The following TTF2 variants were observed in gnomAD, a reference collection of about 807,000 sequenced individuals.
TTF2 encodes the protein transcription termination factor 2.
In TTF2, 108 loss-of-function variants were observed where a neutral mutation model predicts 142.4. The observed-to-expected ratio is 0.76, with a 90% CI of 0.65 to 0.89. The LOEUF is 0.89. Among genes scored for constraint, TTF2 ranks in the 40% least tolerant of loss-of-function variants. The probability of loss-of-function intolerance (pLI) is 0.00; values close to 1 mark genes in which losing one functional copy is unlikely to be tolerated. For missense variants in TTF2, 1,327 were observed against 1,379.8 expected, an observed-to-expected ratio of 0.96 and a Z score of 0.61; for synonymous variants, 483 against 506.2, an observed-to-expected ratio of 0.95 and a Z score of 0.61.
chr1:117,063,280 G>A lies in TTF2; in HGVS notation c.218+807G>A, dbSNP rs1204811577. ...GTTATATGTATAGTAAGATACACAA[G>A]TCTTAAGATTTCAACCAGTTGAGTT... On this transcript the variant is annotated intron_variant, in intron 3 of 22. Coordinates refer to ENST00000369466, the MANE Select transcript of TTF2 (RefSeq NM_003594.4). This position sits in a 1 kb window ranked among gnomAD's most constrained non-coding sequence, Gnocchi z 4.1. Among the ~76,000 whole-genome samples, 1 of 152,050 alleles carries A rather than the reference G, an allele frequency of 6.6e-6. No homozygotes were observed. The highest frequency in any genetic ancestry group is 2.4e-5 in the African/African-American group (1 of 41,368).
At position 117,079,443 on chromosome 1, in the gene TTF2, A is replaced by T. The variant is rs531695841; in HGVS notation, c.1702-125A>T. On this transcript the variant is annotated intron_variant, in intron 8 of 22. Coordinates refer to ENST00000369466, the MANE Select transcript of TTF2 (RefSeq NM_003594.4). The surrounding 1 kb of genome is among the most constrained non-coding windows in gnomAD (Gnocchi z 4.2). ...TGTTAAGGACTTCAAGGTGAAATGA[A>T]CTGTCTACAGAATACTGAGGGAATC... 7.0e-6 allele frequency: 6 copies of T among 859,878 alleles called. No homozygotes were observed. The South Asian group carries it at 8.0e-5, about 11-fold the overall frequency. The allele number at this position is 859,878 out of a possible 1,614,324, so 53.3% of individuals were successfully genotyped here. A position where few individuals can be genotyped will look rare whatever the true frequency, so the allele number is the denominator to read the frequency against.
chr1:117,095,452 G>A lies in TTF2; in HGVS notation c.3035+85G>A, dbSNP rs536979248. 2.3e-6 allele frequency: 3 copies of A among 1,281,934 alleles called. No homozygotes were observed. In the East Asian group the frequency reaches 6.9e-5, roughly 30 times the overall value. 79.4% of individuals were successfully genotyped at this position (1,281,934 alleles called of 1,614,324 possible). ...TGCCAAGAGTTATAAATCAAGGACT[G>A]TGAGTCATGCTCAGCAGAAAGCACT... On this transcript the variant is annotated intron_variant, in intron 19 of 22. Transcript: ENST00000369466.
chr1:117,089,234 A>G (rs1310477909), intron 13 of TTF2, among the ~76,000 whole-genome samples: 6 of 140,690 alleles, frequency 4.3e-5, no homozygotes, highest in African/African-American at 1.0e-4. Flanking sequence ...TATGCAAAAT[A>G]TATGCAAAAT....
In TTF2 at chr1:117,078,028, T is replaced by G; in HGVS notation, c.1686T>G (p.Asp562Glu). 6.2e-7 allele frequency: 1 copy of G among 1,613,918 alleles called. No individual in the cohort carries two copies. Among genetic ancestry groups the G allele is most frequent in the South Asian group, 1.1e-5 (1 of 91,064 alleles). The change falls in exon 8 of 23, where the codon GAT (aspartate) becomes GAG (glutamate). Residue 562 changes from aspartate to glutamate, a missense_variant. Coordinates refer to ENST00000369466, the MANE Select transcript of TTF2 (RefSeq NM_003594.4). The part of the protein sequence containing the change: ...SCPGETVVAE[D>E]PAGLKVPLLL... ...CTGGTGAGACGGTTGTGGCAGAAGATCCCGCCGGGCTGAAGGTGAGCCAGG... is the reference window on the plus strand; with the variant it reads ...CTGGTGAGACGGTTGTGGCAGAAGAGCCCGCCGGGCTGAAGGTGAGCCAGG...
rs1269231772 is a variant in TTF2 at position 117,073,175 on chromosome 1, T to C, written c.219-486T>C. ...ATTTTGAAGGTTATATTCTCCACAG[T>C]ATAGTTTTACGCCTTCTTCTGTTGT... On this transcript the variant is annotated intron_variant, in intron 3 of 22. Transcript: ENST00000369466. This position sits in a 1 kb window ranked among gnomAD's most constrained non-coding sequence, Gnocchi z 4.4. 6.6e-6 allele frequency among the ~76,000 whole-genome samples: 1 copy of C among 152,212 alleles called. No homozygotes were observed. Among genetic ancestry groups the C allele is most frequent in the Admixed American group, 6.5e-5 (1 of 15,290 alleles).
At chr1:117,084,401 C>T (rs1255007595) in intron 11 of TTF2, among the ~76,000 whole-genome samples, 2 of 152,202 alleles carry the variant, frequency 1.3e-5, no homozygotes, top group Non-Finnish European at 2.9e-5. Flanking sequence ...TGTGAGGAGG[C>T]CTGAGATGCC....
chr1:117,098,188 CT>C (rs10715927), intron 21 of TTF2: 50,497 of 141,498 alleles, frequency 0.36, 9,052 homozygotes, highest in African/African-American at 0.48. Context: ...AGGAATCATG[CT>C]TTTTTTTTTT....
rs1251757282 is a variant in TTF2, at chr1:117,104,387, G to GTTCA, written c.*2864_*2865insTCAT. On this transcript the variant is annotated 3_prime_UTR_variant, in exon 23 of 23. Coordinates refer to ENST00000369466, the MANE Select transcript of TTF2 (RefSeq NM_003594.4). ...AGAAGGTATTAGATGAACATTGTCAGTCTCCAATCAAGCATTGTTTAGGGG... is the reference window on the plus strand; with the variant it reads ...AGAAGGTATTAGATGAACATTGTCAGTTCATCTCCAATCAAGCATTGTTTAGGGG... 1 of 152,244 alleles carries GTTCA rather than the reference G, an allele frequency of 6.6e-6. No homozygotes were observed. Among genetic ancestry groups the GTTCA allele is most frequent in the Non-Finnish European group, 1.5e-5 (1 of 68,050 alleles). 9.4% of individuals were successfully genotyped at this position (152,244 alleles called of 1,614,324 possible). A position where few individuals can be genotyped will look rare whatever the true frequency, so the allele number is the denominator to read the frequency against.
In TTF2 at chr1:117,079,335, T is replaced by A. The variant is rs1647285422; in HGVS notation, c.1702-233T>A. On this transcript the variant is annotated intron_variant, in intron 8 of 22. Transcript: ENST00000369466. The surrounding 1 kb of genome is among the most constrained non-coding windows in gnomAD (Gnocchi z 4.2). Reference sequence around the variant, plus strand: ...TCACTTGGGGTGTAGGGGGGACTCTTAATAGAAATGCTGAACATTAGATGC... The same window carrying A: ...TCACTTGGGGTGTAGGGGGGACTCTAAATAGAAATGCTGAACATTAGATGC... 6.6e-6 allele frequency among the ~76,000 whole-genome samples: 1 copy of A among 152,182 alleles called. No homozygotes were observed. Among genetic ancestry groups the A allele is most frequent in the Non-Finnish European group, 1.5e-5 (1 of 68,028 alleles).
chr1:117,092,418 T>C lies in TTF2; in HGVS notation c.2806-313T>C, dbSNP rs954243265. 1.3e-5 allele frequency among the ~76,000 whole-genome samples: 2 copies of C among 152,198 alleles called. No homozygotes were observed. The highest frequency in any genetic ancestry group is 2.9e-5 in the Non-Finnish European group (2 of 68,032). On this transcript the variant is annotated intron_variant, in intron 17 of 22. Coordinates refer to ENST00000369466, the MANE Select transcript of TTF2 (RefSeq NM_003594.4). This position sits in a 1 kb window ranked among gnomAD's most constrained non-coding sequence, Gnocchi z 4.4. ...GGCACATCCAAAATTAAGAGGAGTATTCTATTCATTTAAGGAGCTGTAATA... is the reference window on the plus strand; with the variant it reads ...GGCACATCCAAAATTAAGAGGAGTACTCTATTCATTTAAGGAGCTGTAATA...
At position 117,078,707 on chromosome 1, in the gene TTF2, A is replaced by C. The variant is rs3767766; in HGVS notation, c.1701+664A>C. On this transcript the variant is annotated intron_variant, in intron 8 of 22. Coordinates refer to ENST00000369466, the MANE Select transcript of TTF2 (RefSeq NM_003594.4). ...TGAATAACTCAAGAGATAGTATGGA[A>C]TCGCTGTAGCATTTAAGCAGGGATG... 5.3e-5 allele frequency among the ~76,000 whole-genome samples: 8 copies of C among 152,306 alleles called. No individual in the cohort carries two copies. The East Asian group carries it at 1.5e-3, about 29-fold the overall frequency.
Position 117,085,714 on chromosome 1 carries a change from G to A in TTF2, c.2055-703G>A, listed in dbSNP as rs181640501. Reference sequence around the variant, plus strand: ...ATTTACTTTTGAGACAGGATAGAGTGAGACCCTACCTTGTCTCAAAAAATA... The same window carrying A: ...ATTTACTTTTGAGACAGGATAGAGTAAGACCCTACCTTGTCTCAAAAAATA... On this transcript the variant is annotated intron_variant, in intron 11 of 22. Transcript: ENST00000369466. This position sits in a 1 kb window ranked among gnomAD's most constrained non-coding sequence, Gnocchi z 4.7. 6.6e-6 allele frequency among the ~76,000 whole-genome samples: 1 copy of A among 151,588 alleles called. No individual in the cohort carries two copies. Among genetic ancestry groups the A allele is most frequent in the Non-Finnish European group, 1.5e-5 (1 of 67,840 alleles).
Position 117,075,934 on chromosome 1 carries a change from A to G in TTF2, c.1275+75A>G. 2.0e-6 allele frequency: 3 copies of G among 1,515,928 alleles called. No individual in the cohort carries two copies. The highest frequency in any genetic ancestry group is 2.3e-5 in the East Asian group (1 of 44,358). The allele number at this position is 1,515,928 out of a possible 1,614,324, so 93.9% of individuals were successfully genotyped here. A position where few individuals can be genotyped will look rare whatever the true frequency, so the allele number is the denominator to read the frequency against. On this transcript the variant is annotated intron_variant, in intron 5 of 22. Coordinates refer to ENST00000369466, the MANE Select transcript of TTF2 (RefSeq NM_003594.4). The surrounding 1 kb of genome is among the most constrained non-coding windows in gnomAD (Gnocchi z 4.5). ...TGGGCAGATATGAGATCTCATTGCTACAGAAGGGTTAAATATGTTCATGTG... is the reference window on the plus strand; with the variant it reads ...TGGGCAGATATGAGATCTCATTGCTGCAGAAGGGTTAAATATGTTCATGTG...
chr1:117,095,297 A>G lies in TTF2; in HGVS notation c.2977-12A>G. 3.1e-6 allele frequency: 5 copies of G among 1,614,034 alleles called. No homozygotes were observed. Among genetic ancestry groups the G allele is most frequent in the Non-Finnish European group, 3.4e-6 (4 of 1,179,906 alleles). Reference sequence around the variant, plus strand: ...TGCTTAAACATACAATGTTGATGTAACCTTTTCCCAGATTTCATCTCTGTT... The same window carrying G: ...TGCTTAAACATACAATGTTGATGTAGCCTTTTCCCAGATTTCATCTCTGTT... On this transcript the variant is annotated splice_polypyrimidine_tract_variant and intron_variant, in intron 18 of 22. Transcript: ENST00000369466.
chr1:117,074,147 C>T (rs1466472915), intron 4 of TTF2, among the ~76,000 whole-genome samples: 6 of 152,038 alleles, frequency 3.9e-5, no homozygotes, highest in East Asian at 1.9e-4. Flanking sequence ...ATATTCAGTA[C>T]GTGAGGAACT....
chr1:117,085,422 G>A lies in TTF2; in HGVS notation c.2055-995G>A, dbSNP rs1322400273. The stretch of plus-strand genomic sequence containing the variant: ...ACAAAAATTAGCTGGGTGTGGTGGT[G>A]TGCACTTGTAGTGCCATTTACTTGG... On this transcript the variant is annotated intron_variant, in intron 11 of 22. Transcript: ENST00000369466. This position sits in a 1 kb window ranked among gnomAD's most constrained non-coding sequence, Gnocchi z 4.7. Among the ~76,000 whole-genome samples, 1 of 152,084 alleles carries A rather than the reference G, an allele frequency of 6.6e-6. No individual in the cohort carries two copies. The highest frequency in any genetic ancestry group is 6.6e-5 in the Admixed American group (1 of 15,264).
In TTF2 at chr1:117,103,609, A is replaced by C. The variant is rs1003759385; in HGVS notation, c.*2085A>C. On this transcript the variant is annotated 3_prime_UTR_variant, in exon 23 of 23. Coordinates refer to ENST00000369466, the MANE Select transcript of TTF2 (RefSeq NM_003594.4). ...CCTGGTGGGAAGAATTCTAGTCTAG[A>C]ACGTTTGAGATTTGACTCTAGTTCT... The C allele has an allele frequency of 6.6e-6, 1 of 152,184 alleles. No individual in the cohort carries two copies. Among genetic ancestry groups the C allele is most frequent in the Non-Finnish European group, 1.5e-5 (1 of 68,036 alleles). The allele number at this position is 152,184 out of a possible 1,614,324, so 9.4% of individuals were successfully genotyped here. A position where few individuals can be genotyped will look rare whatever the true frequency, so the allele number is the denominator to read the frequency against.
chr1:117,096,371 G>A, intron 20 of TTF2, 72 bp downstream of exon 20: 4 of 1,544,164 alleles, frequency 2.6e-6, no homozygotes, highest in Non-Finnish European at 3.5e-6. Flanking sequence ...TTTTTGTTTG[G>A]TTGGTTTTTG....
At position 117,088,353 on chromosome 1, in the gene TTF2, C is replaced by T. The variant is rs185788259; in HGVS notation, c.2161-448C>T. ...GAGATCGAGACCATCCTGGCTAACA[C>T]GATGAAACCCCGACTCTACTAAAAA... On this transcript the variant is annotated intron_variant, in intron 12 of 22. Transcript: ENST00000369466. Among the ~76,000 whole-genome samples, 14 of 152,144 alleles carry T rather than the reference C, an allele frequency of 9.2e-5. No individual in the cohort carries two copies. The East Asian group carries it at 2.1e-3, about 23-fold the overall frequency.
Sources: gnomAD v4.1 joint callset for allele counts (sites outside exome capture counted in the v4.1 genomes callset) on GRCh38, gnomAD v4.1.1 for gene constraint, Gnocchi (gnomAD v3.1) non-coding constraint, MANE v1.5 for transcripts, NCBI Gene and HGNC (gene_info 2026-07-23, HGNC 2026-07-21) for gene names.